Variants in ADAM29 observed in about 807,000 individuals in gnomAD.
ADAM29 encodes ADAM metallopeptidase domain 29.
For synonymous variants in ADAM29, 367 were observed against 342.3 expected (o/e 1.07, Z -0.80); for missense variants, 969 against 1,001.8 (o/e 0.97, Z 0.44).
chr4:174,955,367 CA>C (rs1331055333), intron 4 of ADAM29, among the ~76,000 whole-genome samples: 3 of 151,924 alleles, frequency 2.0e-5, no homozygotes, highest in African/African-American at 7.2e-5. Context: ...TTAACAAAAA[CA>C]AAAACCACTA....
At chr4:174,944,307 C>T (rs1744712909) in intron 4 of ADAM29, among the ~76,000 whole-genome samples, 1 of 151,736 alleles carries the variant, frequency 6.6e-6, no homozygotes, top group Admixed American at 6.6e-5. Flanking sequence ...AACAAAAATC[C>T]GAGTAGGAAG....
At position 174,976,017 on chromosome 4, in the gene ADAM29, C is replaced by A. The variant is rs199686982; in HGVS notation, c.492C>A (p.Ser164=). Reference sequence around the variant, plus strand: ...AGAAACAATTTTCAACCATGAGATCCGGATTTATGCAAAATGAAATAACAT... The same window carrying A: ...AGAAACAATTTTCAACCATGAGATCAGGATTTATGCAAAATGAAATAACAT... The part of the protein sequence containing the change: ...SEEKQFSTMR[S]GFMQNEITCR... The change falls in exon 5 of 5, where the codon TCC becomes TCA. Residue 164 remains serine, a synonymous_variant. Coordinates refer to ENST00000359240, the MANE Select transcript of ADAM29 (RefSeq NM_014269.4). 2 of 1,612,848 alleles carry A rather than the reference C, an allele frequency of 1.2e-6. No homozygotes were observed. Among genetic ancestry groups the A allele is most frequent in the African/African-American group, 2.7e-5 (2 of 74,818 alleles).
At chr4:174,919,080 C>CT (rs1487464569) in intron 1 of ADAM29, 1 of 152,152 alleles carries the variant, frequency 6.6e-6, no homozygotes, top group African/African-American at 2.4e-5. Context: ...TCCCTATATT[C>CT]TACCATACTT....
intron 4 of ADAM29, among the ~76,000 whole-genome samples, chr4:174,960,376 CTTA>C (rs969311349): frequency 1.2e-4 from 18 of 151,996 alleles, no homozygotes; most frequent in African/African-American, 3.1e-4. Context: ...AGTATCATAT[CTTA>C]TTATTACTTA....
In ADAM29 at chr4:174,931,143, A is replaced by C. The variant is rs1430922075; in HGVS notation, c.-293A>C. 1 of 152,230 alleles carries C rather than the reference A, an allele frequency of 6.6e-6. No individual in the cohort carries two copies. Among genetic ancestry groups the C allele is most frequent in the Non-Finnish European group, 1.5e-5 (1 of 68,060 alleles). 9.4% of individuals were successfully genotyped at this position (152,230 alleles called of 1,614,324 possible). On this transcript the variant is annotated 5_prime_UTR_variant, in exon 3 of 5. Coordinates refer to ENST00000359240, the MANE Select transcript of ADAM29 (RefSeq NM_014269.4). ...CCCCCATCCAGTCCTCTTTGCGTGG[A>C]ATCAGACCTCTTTTGCAGTGGAAAG... is the stretch of plus-strand genomic sequence containing the variant.
chr4:174,935,810 T>C (rs1330445178), intron 3 of ADAM29, among the ~76,000 whole-genome samples: 1 of 152,060 alleles, frequency 6.6e-6, no homozygotes, highest in East Asian at 1.9e-4. Context: ...GAGTCAGCAA[T>C]TTGGGGTTTG....
intron 2 of ADAM29, among the ~76,000 whole-genome samples, chr4:174,922,735 A>T (rs1481960050): frequency 6.6e-6 from 1 of 151,910 alleles, no homozygotes; most frequent in Non-Finnish European, 1.5e-5. Flanking sequence ...ATCCTAAAAA[A>T]TATTTATTCT....
chr4:174,975,836 G>T lies in ADAM29; in HGVS notation c.311G>T (p.Gly104Val). Reference sequence around the variant, plus strand: ...GTCCAGAATAACTGCTACTATCATGGTTATGTGGAAGGGGACCCAGAATCC... The same window carrying T: ...GTCCAGAATAACTGCTACTATCATGTTTATGTGGAAGGGGACCCAGAATCC... ...PFVQNNCYYH[G>V]YVEGDPESLV... The change falls in exon 5 of 5, where the codon GGT becomes GTT. Residue 104 changes from glycine to valine, a missense_variant. Gly to Val is a moderately radical substitution (Grantham distance 109, BLOSUM62 -3). Transcript: ENST00000359240. 6.2e-7 allele frequency: 1 copy of T among 1,614,142 alleles called. No individual in the cohort carries two copies. The highest frequency in any genetic ancestry group is 8.5e-7 in the Non-Finnish European group (1 of 1,180,020).
At chr4:174,970,697 A>G (rs1437079153) in intron 4 of ADAM29, among the ~76,000 whole-genome samples, 1 of 152,178 alleles carries the variant, frequency 6.6e-6, no homozygotes. Flanking sequence ...GGAAACTAAT[A>G]GAAAAGCTAA....
chr4:174,976,181 CAA>C lies in ADAM29; in HGVS notation c.658_659del (p.Lys220ValfsTer10), dbSNP rs1746777473. The C allele has an allele frequency of 6.2e-7, 1 of 1,610,186 alleles. No homozygotes were observed. Among genetic ancestry groups the C allele is most frequent in the African/African-American group, 1.3e-5 (1 of 74,638 alleles). On this transcript the variant is annotated frameshift_variant, in exon 5 of 5. Coordinates refer to ENST00000359240, the MANE Select transcript of ADAM29 (RefSeq NM_014269.4). LOFTEE classifies it low-confidence loss of function (END_TRUNC). ...TACATTCGTTATGAAAGGAACGACTCAAAGTTGCTGGAGGATCTATATGTTAT... is the reference window on the plus strand; with the variant it reads ...TACATTCGTTATGAAAGGAACGACTCAGTTGCTGGAGGATCTATATGTTAT...
chr4:174,965,626 G>A (rs369141959), intron 4 of ADAM29, among the ~76,000 whole-genome samples: 3 of 152,084 alleles, frequency 2.0e-5, no homozygotes, highest in African/African-American at 7.2e-5. Context: ...CTTGAAATAC[G>A]AAGATAGAGG....
intron 4 of ADAM29, among the ~76,000 whole-genome samples, chr4:174,962,392 G>C (rs1306552476): frequency 6.6e-6 from 1 of 151,686 alleles, no homozygotes; most frequent in African/African-American, 2.4e-5. Context: ...GGCGCCTGTA[G>C]TCCCAGCTAC....
chr4:174,966,807 A>G (rs544298908), intron 4 of ADAM29, among the ~76,000 whole-genome samples: 1 of 152,302 alleles, frequency 6.6e-6, no homozygotes, highest in Non-Finnish European at 1.5e-5. Context: ...CTTTGGGATA[A>G]TTCTTCCATT....
At chr4:174,959,721 T>C (rs1745704265) in intron 4 of ADAM29, among the ~76,000 whole-genome samples, 4 of 151,984 alleles carry the variant, frequency 2.6e-5, no homozygotes, top group Admixed American at 2.6e-4. Context: ...TAAATTTCTA[T>C]CTTCAAGATT....
At chr4:174,931,297 A>G (rs1413790236) in intron 3 of ADAM29, 123 bp downstream of exon 3, 1 of 152,204 alleles carries the variant, frequency 6.6e-6, no homozygotes, top group African/African-American at 2.4e-5. Flanking sequence ...GCCAACAAGC[A>G]TGAGAGGTGA....
intron 4 of ADAM29, among the ~76,000 whole-genome samples, chr4:174,951,360 A>T (rs1399225428): frequency 6.6e-6 from 1 of 152,096 alleles, no homozygotes; most frequent in African/African-American, 2.4e-5. Flanking sequence ...ATTACTTCAC[A>T]CTTCTTTCCA....
At position 174,923,133 on chromosome 4, in the gene ADAM29, G is replaced by A. The variant is rs537531935; in HGVS notation, c.-451+2341G>A. Among the ~76,000 whole-genome samples the A allele has an allele frequency of 7.9e-5, 12 of 152,074 alleles. No homozygotes were observed. The East Asian group carries it at 2.3e-3, about 30-fold the overall frequency. On this transcript the variant is annotated intron_variant, in intron 2 of 4. Coordinates refer to ENST00000359240, the MANE Select transcript of ADAM29 (RefSeq NM_014269.4). Reference sequence around the variant, plus strand: ...TGCAGTGGTGCGATCTCGGCTCACTGCAACCTCCACTTCCCGAGTTCAGGT... The same window carrying A: ...TGCAGTGGTGCGATCTCGGCTCACTACAACCTCCACTTCCCGAGTTCAGGT...
At chr4:174,919,639 A>C (rs760670578) in intron 1 of ADAM29, among the ~76,000 whole-genome samples, 3 of 152,112 alleles carry the variant, frequency 2.0e-5, no homozygotes, top group Admixed American at 6.6e-5. Flanking sequence ...CCCCCTCTTT[A>C]CTGGCAGCTT....
chr4:174,944,540 T>C (rs1055819666), intron 4 of ADAM29, among the ~76,000 whole-genome samples: 1 of 152,194 alleles, frequency 6.6e-6, no homozygotes, highest in African/African-American at 2.4e-5. Flanking sequence ...AATTAAACTT[T>C]TCTTTAGCTT....
Sources: allele counts gnomAD v4.1 joint callset (sites outside exome capture counted in the v4.1 genomes callset), GRCh38; gene constraint gnomAD v4.1.1; transcripts MANE v1.5; gene names NCBI Gene and HGNC (gene_info 2026-07-23, HGNC 2026-07-21).